The following KRT78 variants were observed in gnomAD, a reference collection of about 807,000 sequenced individuals.
The protein encoded by KRT78 is keratin, type II cytoskeletal 78.
In KRT78, 55 loss-of-function variants were observed where a neutral mutation model predicts 51.4. The ratio of observed to expected loss-of-function variants is 1.07; its 90% CI spans 0.86 to 1.34. The LOEUF (loss-of-function observed/expected upper bound fraction) is 1.34. Among genes scored for constraint, KRT78 ranks in the 40% most tolerant of loss-of-function variants. The probability of loss-of-function intolerance (pLI) is 0.00; values close to 1 mark genes in which losing one functional copy is unlikely to be tolerated. For synonymous variants in KRT78, 291 were observed against 264.3 expected, an observed-to-expected ratio of 1.10 and a Z score of -0.98; for missense variants, 652 against 649.4, an observed-to-expected ratio of 1.00 and a Z score of -0.04.
intron 4 of KRT78, 43 bp from the exon 5 acceptor site, chr12:52,844,766 T>C: frequency 6.4e-7 from 1 of 1,556,940 alleles, no homozygotes; most frequent in Non-Finnish European, 8.7e-7. Flanking sequence ...CCCCAGCTCC[T>C]TCTCCCCTTG....
chr12:52,844,779 G>A (rs1555183209), intron 4 of KRT78, 56 bp from the exon 5 acceptor site: 1 of 1,506,778 alleles, frequency 6.6e-7, no homozygotes, highest in Non-Finnish European at 9.0e-7. Context: ...TCCCCTTGAA[G>A]CCTAGGATGG....
At chr12:52,840,760 C>A (rs550050737) in intron 6 of KRT78, among the ~76,000 whole-genome samples, 12 of 152,126 alleles carry the variant, frequency 7.9e-5, no homozygotes, top group African/African-American at 2.9e-4. Flanking sequence ...AGCAATAAGA[C>A]GAAAAATGCC....
In KRT78 at chr12:52,842,959, G is replaced by GAGAGAGAGAGAAAGGAAGGAAGGA. The variant is rs1299063277; in HGVS notation, c.1047+1133_1047+1134insTCCTTCCTTCCTTTCTCTCTCTCT. On this transcript the variant is annotated intron_variant, in intron 6 of 8. Transcript: ENST00000304620. The stretch of plus-strand genomic sequence containing the variant: ...AGAAAGAGAGAGAGAGAGAGAGAGA[G>GAGAGAGAGAGAAAGGAAGGAAGGA]AGGAAGGAAGGAAGGAAGGAAGGAA... Among the ~76,000 whole-genome samples, 28 of 53,760 alleles carry GAGAGAGAGAGAAAGGAAGGAAGGA rather than the reference G, an allele frequency of 5.2e-4. 1 individual carries two copies. Among genetic ancestry groups the GAGAGAGAGAGAAAGGAAGGAAGGA allele is most frequent in the Admixed American group, 1.0e-3 (5 of 4,880 alleles). 35.3% of individuals were successfully genotyped at this position (53,760 alleles called of 152,430 possible).
chr12:52,839,716 T>A (rs772923512), intron 7 of KRT78, 48 bp downstream of exon 7: 7 of 1,560,064 alleles, frequency 4.5e-6, no homozygotes. Context: ...TGGCATCCCA[T>A]CCTCCTCCCC....
At position 52,847,983 on chromosome 12, in the gene KRT78, G is replaced by T. The variant is rs1444843034; in HGVS notation, c.523C>A (p.Gln175Lys). 5 of 1,614,202 alleles carry T rather than the reference G, an allele frequency of 3.1e-6. No homozygotes were observed. Among genetic ancestry groups the T allele is most frequent in the Non-Finnish European group, 4.2e-6 (5 of 1,180,026 alleles). The change falls in exon 2 of 9, where the codon CAG (glutamine) becomes AAG (lysine). Residue 175 changes from glutamine to lysine, a missense_variant. By Grantham distance (53) the Gln-to-Lys change is moderately conservative. Coordinates refer to ENST00000304620, the MANE Select transcript of KRT78 (RefSeq NM_173352.4). Reference sequence around the variant, plus strand: ...AGAGCCCCTCGTTCTCCCTGGAGCTGCTCCAGCTGCTTCCTGAGCTGATCC... The same window carrying T: ...AGAGCCCCTCGTTCTCCCTGGAGCTTCTCCAGCTGCTTCCTGAGCTGATCC... ...CLDQLRKQLE[Q>K]LQGERGALDA...
At position 52,839,884 on chromosome 12, in the gene KRT78, C is replaced by T. The variant is rs767965039; in HGVS notation, c.1148G>A (p.Arg383Lys). Residue 383 changes from arginine (R) to lysine (K), a missense_variant, in exon 7 of 9, where the codon AGG becomes AAG. Coordinates refer to ENST00000304620, the MANE Select transcript of KRT78 (RefSeq NM_173352.4). The stretch of plus-strand genomic sequence containing the variant: ...CCGGGCCAGGTTCTGCTTGGCCATC[C>T]TCAGAGCAGCCTCCAGCTCGTCCAC... Reference protein sequence around the residue: ...AKVDELEAALRMAKQNLARLL... With the variant: ...AKVDELEAALKMAKQNLARLL... 1.9e-6 allele frequency: 3 copies of T among 1,614,092 alleles called. No homozygotes were observed. In the East Asian group the frequency reaches 6.7e-5, roughly 36 times the overall value.
chr12:52,842,241 G>A (rs1412129510), intron 6 of KRT78, among the ~76,000 whole-genome samples: 1 of 152,148 alleles, frequency 6.6e-6, no homozygotes, highest in Non-Finnish European at 1.5e-5. Context: ...GAATCAAGCT[G>A]TAGTGCTTGA....
chr12:52,842,952 AGAG>A (rs1565698664), intron 6 of KRT78, among the ~76,000 whole-genome samples: 3 of 105,068 alleles, frequency 2.9e-5, no homozygotes, highest in African/African-American at 1.4e-4. Context: ...AGAGAGAGAG[AGAG>A]AGAGAGGAAG....
At chr12:52,848,208 T>A in intron 1 of KRT78, 87 bp from the exon 2 acceptor site, 1 of 1,556,118 alleles carries the variant, frequency 6.4e-7, no homozygotes, top group African/African-American at 1.4e-5. Flanking sequence ...GACCCTCCCA[T>A]CAGCCTCACC....
In KRT78 at chr12:52,848,386, T is replaced by C. The variant is rs574689068; in HGVS notation, c.384+161A>G. The C allele has an allele frequency of 3.1e-5, 44 of 1,402,390 alleles. No homozygotes were observed. The South Asian group carries it at 5.2e-4, about 17-fold the overall frequency. 86.9% of individuals were successfully genotyped at this position (1,402,390 alleles called of 1,614,324 possible). A position where few individuals can be genotyped will look rare whatever the true frequency, so the allele number is the denominator to read the frequency against. Reference sequence around the variant, plus strand: ...ATCATGGAACAACAGGGCCTCAGCATAGCCAGAGAGAGTCCAGTTAGTCCA... The same window carrying C: ...ATCATGGAACAACAGGGCCTCAGCACAGCCAGAGAGAGTCCAGTTAGTCCA... On this transcript the variant is annotated intron_variant, in intron 1 of 8. Transcript: ENST00000304620.
rs1228161607 is a variant in KRT78 at position 52,846,133 on chromosome 12, C to T, written c.756+64G>A. On this transcript the variant is annotated intron_variant, in intron 4 of 8. Coordinates refer to ENST00000304620, the MANE Select transcript of KRT78 (RefSeq NM_173352.4). ...CCCTCTTGGCCATTCTCCTCATGGC[C>T]ACAGGAAGCCTGCCCACCCAGTCCT... The T allele has an allele frequency of 3.5e-6, 4 of 1,158,430 alleles. No individual in the cohort carries two copies. The Admixed American group carries it at 7.1e-5, about 21-fold the overall frequency. 71.8% of individuals were successfully genotyped at this position (1,158,430 alleles called of 1,614,324 possible).
rs1211697826 is a variant in KRT78, at chr12:52,839,984, T to C, written c.1048A>G (p.Asn350Asp). 7.4e-6 allele frequency: 12 copies of C among 1,611,676 alleles called. No individual in the cohort carries two copies. The highest frequency in any genetic ancestry group is 1.0e-5 in the Non-Finnish European group (12 of 1,178,188). Residue 350 changes from asparagine (N) to aspartate (D), a missense_variant and splice_region_variant, in exon 7 of 9, where the codon AAC (asparagine) becomes GAC (aspartate). Asn to Asp is a conservative substitution (Grantham distance 23). Transcript: ENST00000304620. ...GTGATGGCGGCCTGCAGGCTGGCGT[T>C]CTGGAAGCGGGGTAGAAATGAGCGA... ...QSQTENLKKQ[N>D]ASLQAAITDA...
Position 52,840,004 on chromosome 12 carries a change from G to C in KRT78, c.1048-20C>G, listed in dbSNP as rs781025619. 10 of 1,585,988 alleles carry C rather than the reference G, an allele frequency of 6.3e-6. No individual in the cohort carries two copies. The highest frequency in any genetic ancestry group is 8.6e-6 in the Non-Finnish European group (10 of 1,156,498). On this transcript the variant is annotated intron_variant, in intron 6 of 8. Transcript: ENST00000304620. Reference sequence around the variant, plus strand: ...GGCGTTCTGGAAGCGGGGTAGAAATGAGCGAGAAGGTGGTTGTAAGTCCAA... The same window carrying C: ...GGCGTTCTGGAAGCGGGGTAGAAATCAGCGAGAAGGTGGTTGTAAGTCCAA...
chr12:52,847,766 A>C, intron 2 of KRT78, 141 bp downstream of exon 2: 2 of 663,314 alleles, frequency 3.0e-6, no homozygotes, highest in Non-Finnish European at 5.2e-6. Flanking sequence ...AGCCTGGGGA[A>C]TGGGGACGCG....
intron 6 of KRT78, among the ~76,000 whole-genome samples, chr12:52,842,690 G>C (rs981623719): frequency 1.3e-5 from 2 of 152,028 alleles, no homozygotes; most frequent in African/African-American, 4.8e-5. Context: ...GGCTGAAGCT[G>C]GTGGATCACC....
In KRT78 at chr12:52,838,608, A is replaced by T. The variant is rs73106419; in HGVS notation, c.*505T>A. On this transcript the variant is annotated 3_prime_UTR_variant, in exon 9 of 9. Transcript: ENST00000304620. ...CCAGTAGTTTAGACATGGGAATTAGAGAAGGTTCCTAAAAGGAGAAAATTT... is the reference window on the plus strand; with the variant it reads ...CCAGTAGTTTAGACATGGGAATTAGTGAAGGTTCCTAAAAGGAGAAAATTT... 0.043 allele frequency: 7,151 copies of T among 166,602 alleles called. 190 individuals are homozygous for T. The highest frequency in any genetic ancestry group is 0.059 in the African/African-American group (2,446 of 41,790). 10.3% of individuals were successfully genotyped at this position (166,602 alleles called of 1,614,324 possible).
intron 6 of KRT78, among the ~76,000 whole-genome samples, chr12:52,843,775 G>A (rs1940574005): frequency 6.6e-6 from 1 of 151,406 alleles, no homozygotes; most frequent in Non-Finnish European, 1.5e-5. Flanking sequence ...ATCTCCCCAA[G>A]GGGCTGAAAG....
chr12:52,846,964 T>C (rs1391565477), intron 2 of KRT78, 140 bp from the exon 3 acceptor site: 1 of 649,760 alleles, frequency 1.5e-6, no homozygotes, highest in Admixed American at 2.7e-5. Context: ...CCTTCTCTCC[T>C]TTCCTGCCAC....
chr12:52,844,677 A>G lies in KRT78; in HGVS notation c.803T>C (p.Leu268Pro), dbSNP rs1555183172. ...QTQASDTSVV[L>P]SMDNNRYLDF... ...CAGGTAGCGGTTGTTGTCCATGGAC[A>G]GCACCACAGACGTGTCGCTGGCCTG... Residue 268 changes from leucine to proline, a missense_variant, in exon 5 of 9, where the codon CTG (leucine) becomes CCG (proline). By Grantham distance (98) the Leu-to-Pro change is moderately conservative. Coordinates refer to ENST00000304620, the MANE Select transcript of KRT78 (RefSeq NM_173352.4). 3 of 1,614,080 alleles carry G rather than the reference A, an allele frequency of 1.9e-6. No homozygotes were observed. In the East Asian group the frequency reaches 6.7e-5, roughly 36 times the overall value.
Sources: allele counts gnomAD v4.1 joint callset (sites outside exome capture counted in the v4.1 genomes callset), GRCh38; gene constraint gnomAD v4.1.1; transcripts MANE v1.5; gene names NCBI Gene and HGNC (gene_info 2026-07-23, HGNC 2026-07-21).